WFDC2: variants seen among roughly 807,000 people sequenced by gnomAD.
WFDC2 encodes the protein WAP four-disulfide core domain protein 2.
Under a neutral mutation model 12.5 loss-of-function variants are expected in WFDC2, and 8 were observed. The observed-to-expected ratio is 0.64, with a 90% CI of 0.37 to 1.15. The LOEUF is 1.15. Among genes scored for constraint, WFDC2 ranks in the 50% most tolerant of loss-of-function variants. WFDC2 has a pLI of 0.01. For synonymous variants in WFDC2, 74 were observed against 67.2 expected (o/e 1.10, Z -0.49); for missense variants, 166 against 159.9 (o/e 1.04, Z -0.21).
intron 2 of WFDC2, among the ~76,000 whole-genome samples, chr20:45,479,268 C>T (rs888384964): frequency 2.0e-5 from 3 of 152,194 alleles, no homozygotes; most frequent in African/African-American, 7.2e-5. Flanking sequence ...CTGTACTTTA[C>T]ACTTTAAGTG....
In WFDC2 at chr20:45,469,841, C is replaced by T. The variant is rs1991142057; in HGVS notation, c.60C>T (p.Phe20=). The change falls in exon 1 of 4, where the codon TTC becomes TTT. Residue 20 remains phenylalanine, a synonymous_variant. Transcript: ENST00000372676. ...AAALLLSLLL[F]GFTLVSGTGA... ...CCCTCCTCCTCAGCCTGCTGCTGTTCGGCTTCACCCTAGTCTCAGGTGAGT... is the reference window on the plus strand; with the variant it reads ...CCCTCCTCCTCAGCCTGCTGCTGTTTGGCTTCACCCTAGTCTCAGGTGAGT... 6.2e-7 allele frequency: 1 copy of T among 1,610,482 alleles called. No homozygotes were observed. Among genetic ancestry groups the T allele is most frequent in the Middle Eastern group, 1.7e-4 (1 of 6,056 alleles).
intron 3 of WFDC2, 124 bp downstream of exon 3, chr20:45,480,218 G>A (rs1991285474): frequency 1.5e-6 from 2 of 1,371,648 alleles, no homozygotes; most frequent in Non-Finnish European, 2.0e-6. Context: ...GTATACCAGT[G>A]GGGTGACCCT....
intron 2 of WFDC2, among the ~76,000 whole-genome samples, chr20:45,475,143 A>T (rs1372279560): frequency 1.3e-5 from 2 of 151,560 alleles, no homozygotes; most frequent in African/African-American, 4.9e-5. Flanking sequence ...GAATTCATTG[A>T]TTTTTTTTGA....
Position 45,470,262 on chromosome 20 carries a change from G to A in WFDC2, c.80-127G>A. ...GGTCTGGAAGAAGGAGTCTCTGGGG[G>A]CTGTAAGGGGACTCCTAGGGCCAGA... On this transcript the variant is annotated intron_variant, in intron 1 of 3. Coordinates refer to ENST00000372676, the MANE Select transcript of WFDC2 (RefSeq NM_006103.4). This position sits in a 1 kb window ranked among gnomAD's most constrained non-coding sequence, Gnocchi z 5.4. 1.5e-6 allele frequency: 2 copies of A among 1,308,902 alleles called. No homozygotes were observed. The highest frequency in any genetic ancestry group is 2.0e-6 in the Non-Finnish European group (2 of 979,682). 81.1% of individuals were successfully genotyped at this position (1,308,902 alleles called of 1,614,324 possible). A position where few individuals can be genotyped will look rare whatever the true frequency, so the allele number is the denominator to read the frequency against.
Position 45,469,862 on chromosome 20 carries a change from TG to T in WFDC2, c.79+3del. 1 of 1,605,130 alleles carries T rather than the reference TG, an allele frequency of 6.2e-7. No homozygotes were observed. The highest frequency in any genetic ancestry group is 2.2e-5 in the East Asian group (1 of 44,614). Reference sequence around the variant, plus strand: ...TGTTCGGCTTCACCCTAGTCTCAGGTGAGTGGGGCGGGGAGAGGCCCGGCGC... The same window carrying T: ...TGTTCGGCTTCACCCTAGTCTCAGGTAGTGGGGCGGGGAGAGGCCCGGCGC... On this transcript the variant is annotated splice_donor_region_variant and intron_variant, in intron 1 of 3. Coordinates refer to ENST00000372676, the MANE Select transcript of WFDC2 (RefSeq NM_006103.4).
At position 45,479,588 on chromosome 20, in the gene WFDC2, AATAAT is replaced by A. The variant is rs796792058; in HGVS notation, c.224-350_224-346del. 122 of 1,308,068 alleles carry A rather than the reference AATAAT, an allele frequency of 9.3e-5. No individual in the cohort carries two copies. The African/African-American group carries it at 1.5e-3, about 16-fold the overall frequency. 81.0% of individuals were successfully genotyped at this position (1,308,068 alleles called of 1,614,324 possible). On this transcript the variant is annotated intron_variant, in intron 2 of 3. Coordinates refer to ENST00000372676, the MANE Select transcript of WFDC2 (RefSeq NM_006103.4). ...AGAGTAGTTTGATATTTCAGGGAGA[AATAAT>A]ATATGTTTGTTTCCCACTGCTTTCA... is the stretch of plus-strand genomic sequence containing the variant.
At chr20:45,473,685 T>C (rs1005839870) in intron 2 of WFDC2, among the ~76,000 whole-genome samples, 2 of 152,230 alleles carry the variant, frequency 1.3e-5, no homozygotes, top group African/African-American at 2.4e-5. Context: ...TGGTTCCATA[T>C]GAAATTTAAA....
intron 2 of WFDC2, among the ~76,000 whole-genome samples, chr20:45,472,102 G>C (rs934856438): frequency 1.3e-5 from 2 of 150,910 alleles, no homozygotes; most frequent in Non-Finnish European, 2.9e-5. Flanking sequence ...AGTCAAGACT[G>C]TTGGCAACTT....
At chr20:45,471,197 G>A in intron 2 of WFDC2, 1 of 471,028 alleles carries the variant, frequency 2.1e-6, no homozygotes, top group Non-Finnish European at 4.4e-6. Flanking sequence ...ATCCTCCCTG[G>A]ACACTGTATC....
chr20:45,475,142 G>C (rs1323640547), intron 2 of WFDC2, among the ~76,000 whole-genome samples: 1 of 151,966 alleles, frequency 6.6e-6, no homozygotes, highest in African/African-American at 2.4e-5. Flanking sequence ...TGAATTCATT[G>C]ATTTTTTTTG....
At chr20:45,469,926 G>A (rs1600845354) in intron 1 of WFDC2, 66 bp downstream of exon 1, 1 of 1,549,580 alleles carries the variant, frequency 6.5e-7, no homozygotes, top group East Asian at 2.4e-5. Context: ...GATGGAGCCA[G>A]GCGGAGGCGT....
At position 45,479,991 on chromosome 20, in the gene WFDC2, C is replaced by A; in HGVS notation, c.273C>A (p.Gly91=). The change falls in exon 3 of 4, where the codon GGC becomes GGA. Residue 91 remains glycine (G), a synonymous_variant. Transcript: ENST00000372676. ...PQVNINFPQL[G]LCRDQCQVDS... is the part of the protein sequence containing the mutation. ...TGAACATTAACTTTCCCCAGCTCGG[C>A]CTCTGTCGGGACCAGTGCCAGGTGG... 1.2e-6 allele frequency: 2 copies of A among 1,614,254 alleles called. No individual in the cohort carries two copies. The highest frequency in any genetic ancestry group is 1.7e-6 in the Non-Finnish European group (2 of 1,180,038).
intron 2 of WFDC2, among the ~76,000 whole-genome samples, chr20:45,475,852 G>T (rs144139651): frequency 6.6e-6 from 1 of 152,202 alleles, no homozygotes; most frequent in South Asian, 2.1e-4. Flanking sequence ...TATGAATCAG[G>T]GTGCTCCTGT....
chr20:45,479,674 CTCTGGGAGATT>C (rs759166313), intron 2 of WFDC2: 17 of 1,613,824 alleles, frequency 1.1e-5, no homozygotes, highest in Middle Eastern at 1.6e-4. Context: ...GACACGGAGG[CTCTGGGAGATT>C]TCTGGCCCTA....
chr20:45,473,129 G>T (rs1266300428), intron 2 of WFDC2, among the ~76,000 whole-genome samples: 1 of 152,096 alleles, frequency 6.6e-6, no homozygotes, highest in Non-Finnish European at 1.5e-5. Flanking sequence ...CATTCTGTAG[G>T]CTGCCTGTTC....
At chr20:45,472,622 T>C (rs138210790) in intron 2 of WFDC2, among the ~76,000 whole-genome samples, 1,608 of 139,274 alleles carry the variant, frequency 0.012, 105 homozygotes, top group Admixed American at 0.089. Flanking sequence ...TCCAAGTCTT[T>C]GCTATTGTGA....
At position 45,470,841 on chromosome 20, in the gene WFDC2, T is replaced by C. The variant is rs1192247833; in HGVS notation, c.223+309T>C. On this transcript the variant is annotated intron_variant, in intron 2 of 3. Transcript: ENST00000372676. The surrounding 1 kb of genome is among the most constrained non-coding windows in gnomAD (Gnocchi z 5.4). ...GCGGCCTGGGGACCCGGGGCCGCAGTTTCCTTCTCGAACCGGCCGAAGCCT... is the reference window on the plus strand; with the variant it reads ...GCGGCCTGGGGACCCGGGGCCGCAGCTTCCTTCTCGAACCGGCCGAAGCCT... Among the ~76,000 whole-genome samples the C allele has an allele frequency of 6.6e-6, 1 of 151,984 alleles. No individual in the cohort carries two copies. The highest frequency in any genetic ancestry group is 1.5e-5 in the Non-Finnish European group (1 of 67,946).
chr20:45,473,306 T>G (rs1287822402), intron 2 of WFDC2, among the ~76,000 whole-genome samples: 1 of 152,246 alleles, frequency 6.6e-6, no homozygotes, highest in Non-Finnish European at 1.5e-5. Flanking sequence ...AGGGTTTTTA[T>G]GGTTTTAGGT....
chr20:45,480,556 G>C lies in WFDC2; in HGVS notation c.*1+462G>C, dbSNP rs527379114. ...TGCTTGAACCTGGGAGACAGAGGTTGTGGTGAGCTGAGATCACGCCATTGC... is the reference window on the plus strand; with the variant it reads ...TGCTTGAACCTGGGAGACAGAGGTTCTGGTGAGCTGAGATCACGCCATTGC... On this transcript the variant is annotated intron_variant, in intron 3 of 3. Coordinates refer to ENST00000372676, the MANE Select transcript of WFDC2 (RefSeq NM_006103.4). Among the ~76,000 whole-genome samples the C allele has an allele frequency of 2.3e-3, 350 of 152,264 alleles. 1 individual carries two copies. Among genetic ancestry groups the C allele is most frequent in the Non-Finnish European group, 4.3e-3 (292 of 68,020 alleles).
Sources: allele counts gnomAD v4.1 joint callset (sites outside exome capture counted in the v4.1 genomes callset), GRCh38; gene constraint gnomAD v4.1.1; non-coding constraint Gnocchi (gnomAD v3.1); transcripts MANE v1.5; gene names NCBI Gene and HGNC (gene_info 2026-07-23, HGNC 2026-07-21).